PAGE2B: variants seen among roughly 807,000 people sequenced by gnomAD.
PAGE2B encodes PAGE family member 2B.
In PAGE2B, 5 loss-of-function variants were observed where a neutral mutation model predicts 7.6. The observed-to-expected ratio is 0.66, with a 90% CI of 0.34 to 1.38. The LOEUF is 1.38. PAGE2B is among the 40% of genes most tolerant of loss of function. PAGE2B has a pLI of 0.04. For missense variants in PAGE2B, 70 were observed against 78.4 expected, an observed-to-expected ratio of 0.89 and a Z score of 0.41; for synonymous variants, 29 against 26.7, an observed-to-expected ratio of 1.09 and a Z score of -0.27.
chrX:55,070,023 G>A, the PAGE2B span, among the ~76,000 whole-genome samples: 10 of 110,485 alleles, frequency 9.1e-5, no homozygotes, highest in Non-Finnish European at 1.9e-4. Flanking sequence ...AGGGTTTTTC[G>A]TGTTTGTATC....
At chrX:55,060,038 T>C in the PAGE2B span, among the ~76,000 whole-genome samples, 3 of 111,560 alleles carry the variant, frequency 2.7e-5, no homozygotes, top group Admixed American at 2.9e-4. Context: ...TATTGATTCA[T>C]TGATGGACAC....
the PAGE2B span, among the ~76,000 whole-genome samples, chrX:55,039,225 T>G: frequency 1.8e-5 from 2 of 110,704 alleles, no homozygotes; most frequent in South Asian, 3.8e-4. Flanking sequence ...TGAGTGATTT[T>G]CCCCCCCTGG....
the PAGE2B span, among the ~76,000 whole-genome samples, chrX:55,057,532 C>T: frequency 9.0e-6 from 1 of 111,431 alleles, no homozygotes; most frequent in Non-Finnish European, 1.9e-5. Context: ...TGCTGTCAGT[C>T]TCCCAACATG....
chrX:55,074,110 G>A (rs749249646), upstream of PAGE2B, among the ~76,000 whole-genome samples: 101 of 111,977 alleles, frequency 9.0e-4, no homozygotes, highest in East Asian at 0.021. Context: ...AAATAACACA[G>A]TCATTGTGTG....
At chrX:55,076,164 T>C in intron 2 of PAGE2B, 39 bp downstream of exon 2, 1 of 1,175,637 alleles carries the variant, frequency 8.5e-7, no homozygotes, top group Non-Finnish European at 1.2e-6. Context: ...ATTAACACAA[T>C]TTATTTTAAG....
the PAGE2B span, among the ~76,000 whole-genome samples, chrX:55,042,130 T>C: frequency 9.0e-6 from 1 of 110,696 alleles, no homozygotes; most frequent in Non-Finnish European, 1.9e-5. Flanking sequence ...TGTTTGCTGA[T>C]GATATGATCC....
chrX:55,050,020 T>C, the PAGE2B span, among the ~76,000 whole-genome samples: 81 of 112,302 alleles, frequency 7.2e-4, 1 homozygote, highest in Middle Eastern at 4.6e-3. Flanking sequence ...TTTGTTCTCA[T>C]TGGTTTCAAA....
chrX:55,053,362 G>T, the PAGE2B span, among the ~76,000 whole-genome samples: 5 of 111,380 alleles, frequency 4.5e-5, no homozygotes, highest in Non-Finnish European at 9.4e-5. Context: ...ACACACTGGG[G>T]CCTGTCAAGG....
upstream of PAGE2B, among the ~76,000 whole-genome samples, chrX:55,072,331 ATCT>A (rs1936457798): frequency 8.9e-6 from 1 of 112,142 alleles, no homozygotes; most frequent in African/African-American, 3.2e-5. Context: ...AGCCAGGCCC[ATCT>A]TCTTCAGGTC....
At chrX:55,051,661 A>C in the PAGE2B span, among the ~76,000 whole-genome samples, 3 of 111,911 alleles carry the variant, frequency 2.7e-5, 1 homozygote, top group East Asian at 8.4e-4. Flanking sequence ...CAGCTCCATC[A>C]GGTCTTTTAA....
At chrX:55,043,792 C>T in the PAGE2B span, among the ~76,000 whole-genome samples, 5 of 109,702 alleles carry the variant, frequency 4.6e-5, no homozygotes, top group South Asian at 4.0e-4. Flanking sequence ...CCTGGAGAAA[C>T]GCCCGCTCTA....
At chrX:55,035,405 G>A in the PAGE2B span, among the ~76,000 whole-genome samples, 1 of 111,858 alleles carries the variant, frequency 8.9e-6, no homozygotes, top group East Asian at 2.8e-4. Flanking sequence ...GGGTTATGAA[G>A]CATGAGTTTA....
chrX:55,069,526 A>G, the PAGE2B span, among the ~76,000 whole-genome samples: 1 of 110,363 alleles, frequency 9.1e-6, no homozygotes, highest in Non-Finnish European at 1.9e-5. Flanking sequence ...TTTCTCTGCC[A>G]GGCTTTGGTA....
the PAGE2B span, among the ~76,000 whole-genome samples, chrX:55,042,048 T>G: frequency 9.0e-6 from 1 of 111,449 alleles, no homozygotes; most frequent in African/African-American, 3.3e-5. Flanking sequence ...CTGGAAGTCC[T>G]AGCCAGAGCA....
chrX:55,028,437 A>G, the PAGE2B span, among the ~76,000 whole-genome samples: 1 of 111,286 alleles, frequency 9.0e-6, no homozygotes, highest in Non-Finnish European at 1.9e-5. Context: ...AATGCCAACA[A>G]CATTGGGGTA....
At chrX:55,039,457 T>A in the PAGE2B span, among the ~76,000 whole-genome samples, 1 of 108,025 alleles carries the variant, frequency 9.3e-6, no homozygotes, top group Non-Finnish European at 1.9e-5. Flanking sequence ...CAAAGAATAC[T>A]GTTCAGCCTT....
chrX:55,042,653 CAAAAAAAAAAAAAAAAA>C, the PAGE2B span, among the ~76,000 whole-genome samples: 1 of 11,860 alleles, frequency 8.4e-5, no homozygotes, highest in African/African-American at 4.4e-4. Context: ...GACTCCGTCT[CAAAAAAAAAAAAAAAAA>C]AAAAAAAAAA....
chrX:55,059,267 C>T, the PAGE2B span, among the ~76,000 whole-genome samples: 1 of 111,096 alleles, frequency 9.0e-6, no homozygotes, highest in East Asian at 2.8e-4. Flanking sequence ...TGTGTCCTTA[C>T]ATAGTCTTTC....
rs1936508976 is a variant in PAGE2B, at chrX:55,076,087, A to C, written c.46A>C (p.Asn16His). 1.7e-6 allele frequency: 2 copies of C among 1,210,247 alleles called. No individual in the cohort carries two copies. The highest frequency in any genetic ancestry group is 5.9e-5 in the East Asian group (2 of 33,836). The change falls in exon 2 of 5, where the codon AAT becomes CAT. Residue 16 changes from asparagine to histidine, a missense_variant. Physicochemically the swap from Asn to His is moderately conservative, Grantham distance 68. Coordinates refer to ENST00000374971, the MANE Select transcript of PAGE2B (RefSeq NM_001015038.3). ...AAGATCCCAATCCTCAGAAAGAGGA[A>C]ATGACCAAGAGTCTTCCCAGCCAGT... ...RTRSQSSERG[N>H]DQESSQPVGS...
Sources: gnomAD v4.1 joint callset for allele counts (sites outside exome capture counted in the v4.1 genomes callset) on GRCh38, gnomAD v4.1.1 for gene constraint, MANE v1.5 for transcripts, NCBI Gene and HGNC (gene_info 2026-07-23, HGNC 2026-07-21) for gene names.